Variants in CDH12 observed in about 807,000 individuals in gnomAD.
CDH12 encodes cadherin-12.
Under a neutral mutation model 74.1 loss-of-function variants are expected in CDH12, and 41 were observed. The ratio of observed to expected loss-of-function variants is 0.55; its 90% CI spans 0.43 to 0.72. CDH12 has a LOEUF of 0.72. CDH12 is among the 30% of genes least tolerant of loss of function. CDH12 has a pLI of 0.00. For synonymous variants in CDH12, 399 were observed against 355.0 expected, an observed-to-expected ratio of 1.12 and a Z score of -1.39; for missense variants, 945 against 977.2, an observed-to-expected ratio of 0.97 and a Z score of 0.44.
chr5:22,786,111 A>G (rs980416483), intron 1 of CDH12, among the ~76,000 whole-genome samples: 1 of 152,182 alleles, frequency 6.6e-6, no homozygotes, highest in Admixed American at 6.5e-5. Flanking sequence ...TGGCACGTAT[A>G]CACCATGGAA....
At chr5:22,832,665 T>A (rs1282014445) in intron 1 of CDH12, among the ~76,000 whole-genome samples, 1 of 152,158 alleles carries the variant, frequency 6.6e-6, no homozygotes, top group Non-Finnish European at 1.5e-5. Context: ...AAATATATTT[T>A]TCATATGGGA....
chr5:21,918,708 T>A (rs1462750174), intron 6 of CDH12, among the ~76,000 whole-genome samples: 1 of 152,256 alleles, frequency 6.6e-6, no homozygotes, highest in East Asian at 1.9e-4. Context: ...GTCCCACTCT[T>A]GACACATGGT....
In CDH12 at chr5:22,240,335, C is replaced by T. The variant is rs73062571; in HGVS notation, c.-332-27692G>A. The stretch of plus-strand genomic sequence containing the variant: ...TGAAAAAGATAATGTAGTGTAACTA[C>T]TCTCATGTCCTTATGTTTTAATATG... On this transcript the variant is annotated intron_variant, in intron 3 of 14. Coordinates refer to ENST00000382254, the MANE Select transcript of CDH12 (RefSeq NM_004061.5). Among the ~76,000 whole-genome samples, 1,376 of 152,220 alleles carry T rather than the reference C, an allele frequency of 9.0e-3. 17 individuals carry two copies. The highest frequency in any genetic ancestry group is 0.032 in the African/African-American group (1,320 of 41,544).
chr5:21,795,996 T>C (rs901269364), intron 10 of CDH12, among the ~76,000 whole-genome samples: 4 of 152,078 alleles, frequency 2.6e-5, no homozygotes, highest in Non-Finnish European at 4.4e-5. Context: ...TTTTAACAAC[T>C]AATTAGTATA....
chr5:22,509,113 C>A (rs780044840), intron 1 of CDH12, among the ~76,000 whole-genome samples: 9 of 152,142 alleles, frequency 5.9e-5, no homozygotes, highest in Non-Finnish European at 1.2e-4. Flanking sequence ...GAAATATATA[C>A]ACACAATGAA....
chr5:22,560,176 A>C (rs115200211), intron 1 of CDH12, among the ~76,000 whole-genome samples: 2,369 of 152,252 alleles, frequency 0.016, 68 homozygotes, highest in African/African-American at 0.054. Flanking sequence ...GGTTTCAGTT[A>C]CTCATGGACA....
intron 1 of CDH12, among the ~76,000 whole-genome samples, chr5:22,581,563 G>C (rs1252619332): frequency 6.6e-6 from 1 of 152,190 alleles, no homozygotes; most frequent in Non-Finnish European, 1.5e-5. Flanking sequence ...AGGCTTGCTA[G>C]GGCAATGTGG....
intron 1 of CDH12, among the ~76,000 whole-genome samples, chr5:22,538,645 T>C (rs1425121872): frequency 6.6e-6 from 1 of 152,200 alleles, no homozygotes; most frequent in Non-Finnish European, 1.5e-5. Context: ...GTTTAGTACT[T>C]CTCAAACTAT....
intron 9 of CDH12, among the ~76,000 whole-genome samples, chr5:21,814,397 G>C (rs1027180360): frequency 2.0e-4 from 31 of 151,988 alleles, no homozygotes; most frequent in Non-Finnish European, 3.7e-4. Context: ...TTGCTTTCAT[G>C]ATAGTTGAAC....
At chr5:22,811,868 C>T (rs1213354101) in intron 1 of CDH12, among the ~76,000 whole-genome samples, 1 of 152,104 alleles carries the variant, frequency 6.6e-6, no homozygotes, top group Non-Finnish European at 1.5e-5. Flanking sequence ...AAACTCCATA[C>T]CTATTGTCAG....
At chr5:22,673,064 T>G (rs1349171059) in intron 1 of CDH12, among the ~76,000 whole-genome samples, 1 of 152,118 alleles carries the variant, frequency 6.6e-6, no homozygotes, top group East Asian at 1.9e-4. Flanking sequence ...AATATACTCC[T>G]TGTAACAAAA....
chr5:22,682,377 A>G (rs166549), intron 1 of CDH12, among the ~76,000 whole-genome samples: 112,640 of 151,946 alleles, frequency 0.74, 42,529 homozygotes, highest in African/African-American at 0.88. Context: ...AATCTTCATT[A>G]CATTTAAAAG....
intron 6 of CDH12, among the ~76,000 whole-genome samples, chr5:21,872,125 CA>C (rs763823820): frequency 1.6e-3 from 241 of 152,130 alleles, no homozygotes; most frequent in Non-Finnish European, 2.4e-3. Context: ...TCAGAGCATC[CA>C]ATTTGGTTTT....
At chr5:22,282,742 G>C (rs1736944909) in intron 3 of CDH12, among the ~76,000 whole-genome samples, 2 of 152,108 alleles carry the variant, frequency 1.3e-5, no homozygotes, top group African/African-American at 2.4e-5. Context: ...AGGAACAACA[G>C]ATGCTGGAGA....
At chr5:22,280,168 A>G (rs1357614125) in intron 3 of CDH12, among the ~76,000 whole-genome samples, 2 of 152,164 alleles carry the variant, frequency 1.3e-5, no homozygotes, top group Non-Finnish European at 2.9e-5. Context: ...GGCTGCATAA[A>G]TGTCTTCTTT....
chr5:22,480,004 A>G (rs1746318970), intron 2 of CDH12, among the ~76,000 whole-genome samples: 1 of 152,166 alleles, frequency 6.6e-6, no homozygotes, highest in Admixed American at 6.5e-5. Context: ...TCCTTCCTCT[A>G]AAAGTTAGGT....
At chr5:22,744,243 C>G (rs1350600689) in intron 1 of CDH12, among the ~76,000 whole-genome samples, 1 of 152,046 alleles carries the variant, frequency 6.6e-6, no homozygotes, top group Non-Finnish European at 1.5e-5. Flanking sequence ...TCCTGGCTAA[C>G]ATGGTGAAAC....
At chr5:21,802,926 C>A (rs556807493) in intron 9 of CDH12, among the ~76,000 whole-genome samples, 186 of 152,190 alleles carry the variant, frequency 1.2e-3, no homozygotes, top group Middle Eastern at 0.01. Context: ...TTCTGGGTAA[C>A]TTGTAAAGAT....
chr5:22,742,611 T>G (rs1485552223), intron 1 of CDH12, among the ~76,000 whole-genome samples: 6 of 152,076 alleles, frequency 3.9e-5, no homozygotes. Context: ...ACATTCAGAA[T>G]CAACTAATCA....
Sources: gnomAD v4.1 joint callset for allele counts (sites outside exome capture counted in the v4.1 genomes callset) on GRCh38, gnomAD v4.1.1 for gene constraint, MANE v1.5 for transcripts, NCBI Gene and HGNC (gene_info 2026-07-23, HGNC 2026-07-21) for gene names.